CACNA2D3: variants seen among roughly 807,000 people sequenced by gnomAD.
CACNA2D3 encodes calcium voltage-gated channel auxiliary subunit alpha2delta 3, also known as voltage-dependent calcium channel subunit alpha-2/delta-3.
Under a neutral mutation model 160.6 loss-of-function variants are expected in CACNA2D3, and 60 were observed. The ratio of observed to expected loss-of-function variants is 0.37; its 90% CI spans 0.30 to 0.46. CACNA2D3 has a LOEUF of 0.46. Among genes scored for constraint, CACNA2D3 ranks in the 20% least tolerant of loss-of-function variants. CACNA2D3 has a pLI of 1.00. For synonymous variants in CACNA2D3, 558 were observed against 492.9 expected (o/e 1.13, Z -1.75); for missense variants, 1,205 against 1,365.0 (o/e 0.88, Z 1.85).
At chr3:54,283,766 G>C (rs1307226601) in intron 2 of CACNA2D3, among the ~76,000 whole-genome samples, 1 of 152,126 alleles carries the variant, frequency 6.6e-6, no homozygotes, top group African/African-American at 2.4e-5. Context: ...TCTCTGTGTA[G>C]ATAGAGGAAG....
rs746547192 is a variant in CACNA2D3, at chr3:54,880,875, C to T, written c.1912+12C>T. 1.2e-6 allele frequency: 2 copies of T among 1,610,928 alleles called. No homozygotes were observed. Among genetic ancestry groups the T allele is most frequent in the African/African-American group, 1.3e-5 (1 of 74,836 alleles). Reference sequence around the variant, plus strand: ...AACCATCGAAGAAGGTAAGATACTGCCTGGCTCGTCTTATCCTTTGGTGTG... The same window carrying T: ...AACCATCGAAGAAGGTAAGATACTGTCTGGCTCGTCTTATCCTTTGGTGTG... On this transcript the variant is annotated intron_variant, in intron 21 of 37. Coordinates refer to ENST00000474759, the MANE Select transcript of CACNA2D3 (RefSeq NM_018398.3).
chr3:54,593,870 C>A (rs565230063), intron 9 of CACNA2D3, among the ~76,000 whole-genome samples: 1 of 152,286 alleles, frequency 6.6e-6, no homozygotes, highest in South Asian at 2.1e-4. Flanking sequence ...CTAATTCCTG[C>A]ATAGCAGCTT....
chr3:54,896,626 AAAGGC>A (rs1296740051), intron 25 of CACNA2D3, 118 bp from the exon 26 acceptor site: 9 of 1,154,668 alleles, frequency 7.8e-6, no homozygotes, highest in South Asian at 2.7e-5. Flanking sequence ...CTATACTGAG[AAAGGC>A]AAGTTGGGGT....
chr3:54,373,632 G>T (rs1698962820), intron 3 of CACNA2D3, among the ~76,000 whole-genome samples: 1 of 152,136 alleles, frequency 6.6e-6, no homozygotes, highest in Non-Finnish European at 1.5e-5. Flanking sequence ...CCAGTGCCAT[G>T]GTGTCTTTAT....
At chr3:54,989,511 C>G (rs1702692558) in intron 31 of CACNA2D3, among the ~76,000 whole-genome samples, 1 of 152,176 alleles carries the variant, frequency 6.6e-6, no homozygotes, top group African/African-American at 2.4e-5. Context: ...GCCAGTAGAG[C>G]ATTGAGAGTT....
intron 2 of CACNA2D3, among the ~76,000 whole-genome samples, chr3:54,234,290 A>G (rs149552089): frequency 3.0e-4 from 45 of 152,334 alleles, no homozygotes; most frequent in African/African-American, 1.1e-3. Flanking sequence ...TTGAGATACC[A>G]TCTTACACCA....
chr3:54,685,064 C>A (rs1043543143), intron 11 of CACNA2D3, among the ~76,000 whole-genome samples: 18 of 152,198 alleles, frequency 1.2e-4, no homozygotes, highest in African/African-American at 4.1e-4. Flanking sequence ...GCAGCTGAGA[C>A]AAATATGGAA....
At chr3:54,370,554 T>G (rs1355496892) in intron 3 of CACNA2D3, among the ~76,000 whole-genome samples, 1 of 152,208 alleles carries the variant, frequency 6.6e-6, no homozygotes, top group Non-Finnish European at 1.5e-5. Context: ...CTTCTGTTCA[T>G]GTTGACTGGC....
chr3:54,646,102 T>C (rs1699629860), intron 11 of CACNA2D3, among the ~76,000 whole-genome samples: 1 of 140,240 alleles, frequency 7.1e-6, no homozygotes, highest in Non-Finnish European at 1.5e-5. Context: ...GGTGGGCAGG[T>C]TTTCCTTCCT....
chr3:54,794,815 G>A (rs1211083558), intron 13 of CACNA2D3, among the ~76,000 whole-genome samples: 1 of 151,892 alleles, frequency 6.6e-6, no homozygotes, highest in Non-Finnish European at 1.5e-5. Flanking sequence ...TATTTTATTA[G>A]CTGCTTAAGA....
intron 27 of CACNA2D3, among the ~76,000 whole-genome samples, chr3:54,954,343 G>C (rs765728448): frequency 6.6e-6 from 1 of 152,188 alleles, no homozygotes. Context: ...CTGGGAGGCT[G>C]TCTCCTTTCT....
Position 54,984,609 on chromosome 3 carries a change from C to T in CACNA2D3, c.2558C>T (p.Thr853Ile). ...GKCSISCDDE[T>I]VNCYLIDNNG... ...TTTGTTTTTTTTTTAATTTTCTAGA[C>T]TGTGAATTGTTACCTCATAGACAAT... Residue 853 changes from threonine to isoleucine, a missense_variant and splice_region_variant, in exon 30 of 38, where the codon ACT (threonine) becomes ATT (isoleucine). Thr to Ile is a moderately conservative substitution (Grantham distance 89). Transcript: ENST00000474759. The T allele has an allele frequency of 3.9e-6, 6 of 1,520,766 alleles. No individual in the cohort carries two copies. The highest frequency in any genetic ancestry group is 4.5e-6 in the Non-Finnish European group (5 of 1,119,196). 94.2% of individuals were successfully genotyped at this position (1,520,766 alleles called of 1,614,324 possible). A position where few individuals can be genotyped will look rare whatever the true frequency, so the allele number is the denominator to read the frequency against.
intron 6 of CACNA2D3, among the ~76,000 whole-genome samples, chr3:54,563,693 A>C (rs1702363587): frequency 1.3e-5 from 2 of 152,234 alleles, no homozygotes; most frequent in Non-Finnish European, 2.9e-5. Flanking sequence ...AGAAATTAAC[A>C]AGCTCAACCT....
At chr3:55,013,957 G>A (rs1703267983) in intron 34 of CACNA2D3, among the ~76,000 whole-genome samples, 1 of 152,174 alleles carries the variant, frequency 6.6e-6, no homozygotes, top group Non-Finnish European at 1.5e-5. Context: ...GTGCTTCATT[G>A]TGAGTGGGTG....
intron 11 of CACNA2D3, among the ~76,000 whole-genome samples, chr3:54,730,245 C>T (rs758051433): frequency 5.9e-5 from 9 of 152,142 alleles, no homozygotes; most frequent in Non-Finnish European, 1.3e-4. Context: ...TCCACTGGGG[C>T]TACTGAAATT....
chr3:54,228,060 C>T (rs1403160642), intron 2 of CACNA2D3, among the ~76,000 whole-genome samples: 1 of 152,118 alleles, frequency 6.6e-6, no homozygotes, highest in African/African-American at 2.4e-5. Flanking sequence ...TCTTCTATTT[C>T]AATTTAAAGT....
At position 54,817,579 on chromosome 3, in the gene CACNA2D3, A is replaced by C. The variant is rs79220515; in HGVS notation, c.1398+709A>C. 6.6e-3 allele frequency among the ~76,000 whole-genome samples: 1,000 copies of C among 152,348 alleles called. 15 individuals are homozygous for C. Among genetic ancestry groups the C allele is most frequent in the African/African-American group, 0.023 (962 of 41,568 alleles). On this transcript the variant is annotated intron_variant, in intron 14 of 37. Transcript: ENST00000474759. ...CTGCATTGTTCTTGTGTGTTTCACA[A>C]ATTCTGGAAGACACAGCAATTTCTG...
intron 33 of CACNA2D3, 56 bp downstream of exon 33, chr3:55,007,898 C>A: frequency 2.5e-6 from 3 of 1,213,856 alleles, no homozygotes; most frequent in Non-Finnish European, 3.4e-6. Context: ...CTTTTTGTAT[C>A]ATAAAGTGAT....
At chr3:54,401,582 G>T (rs1214360920) in intron 4 of CACNA2D3, among the ~76,000 whole-genome samples, 2 of 152,132 alleles carry the variant, frequency 1.3e-5, no homozygotes, top group African/African-American at 4.8e-5. Context: ...CAAGCCAGGA[G>T]AGAAAGGGAT....
Sources: gnomAD v4.1 joint callset for allele counts (sites outside exome capture counted in the v4.1 genomes callset) on GRCh38, gnomAD v4.1.1 for gene constraint, MANE v1.5 for transcripts, NCBI Gene and HGNC (gene_info 2026-07-23, HGNC 2026-07-21) for gene names.